Variants in PLCH2 observed in about 807,000 individuals in gnomAD.
PLCH2 encodes the protein 1-phosphatidylinositol 4,5-bisphosphate phosphodiesterase eta-2.
In PLCH2, 98 loss-of-function variants were observed where a neutral mutation model predicts 134.7. That is an observed-to-expected ratio of 0.73 (90% CI 0.62 to 0.86). The LOEUF is 0.86. Among genes scored for constraint, PLCH2 ranks in the 40% least tolerant of loss-of-function variants. PLCH2 has a pLI of 0.00. For synonymous variants in PLCH2, 974 were observed against 827.5 expected (o/e 1.18, Z -3.04); for missense variants, 1,994 against 1,986.6 (o/e 1.00, Z -0.07).
At chr1:2,449,949 T>C (rs1433351685) in intron 2 of PLCH2, among the ~76,000 whole-genome samples, 2 of 152,182 alleles carry the variant, frequency 1.3e-5, no homozygotes, top group African/African-American at 4.8e-5. Context: ...GATGCATAAG[T>C]GGGAGGCTGG....
rs1265638262 is a variant in PLCH2, at chr1:2,448,649, C to A, written c.115+18020C>A. Among the ~76,000 whole-genome samples the A allele has an allele frequency of 2.0e-5, 3 of 152,178 alleles. No individual in the cohort carries two copies. Among genetic ancestry groups the A allele is most frequent in the Non-Finnish European group, 4.4e-5 (3 of 68,014 alleles). On this transcript the variant is annotated intron_variant, in intron 2 of 3. Coordinates refer to the PLCH2 transcript ENST00000609981. This position sits in a 1 kb window ranked among gnomAD's most constrained non-coding sequence, Gnocchi z 4.0. Reference sequence around the variant, plus strand: ...TGTGGCCGTGTGCTCCACCCCAGCACCCCCGCCCGAGGCAGGCCCTGGAGC... The same window carrying A: ...TGTGGCCGTGTGCTCCACCCCAGCAACCCCGCCCGAGGCAGGCCCTGGAGC...
intron 10 of PLCH2, 21 bp downstream of exon 10, chr1:2,489,888 AG>A (rs373883153): frequency 2.5e-5 from 38 of 1,544,674 alleles, no homozygotes; most frequent in Non-Finnish European, 3.3e-5. Flanking sequence ...CTGGAGGTGG[AG>A]GGGGGCGCGT....
chr1:2,497,381 A>T (rs771895356), intron 15 of PLCH2, 121 bp from the exon 16 acceptor site: 148 of 673,930 alleles, frequency 2.2e-4, no homozygotes, highest in Non-Finnish European at 3.4e-4. Flanking sequence ...TGGGTGAACG[A>T]GGGGCAGACG....
chr1:2,427,766 G>A (rs1017237373), intron 1 of PLCH2, among the ~76,000 whole-genome samples: 1 of 152,096 alleles, frequency 6.6e-6, no homozygotes, highest in African/African-American at 2.4e-5. Context: ...AGAAGCAGCC[G>A]GCGAGCCCTC....
At chr1:2,480,418 G>A in intron 4 of PLCH2, 106 bp downstream of exon 4, 3 of 1,271,546 alleles carry the variant, frequency 2.4e-6, no homozygotes, top group Non-Finnish European at 3.3e-6. Flanking sequence ...AGGGGACCCT[G>A]GCAGTGCCCT....
At chr1:2,416,225 G>T in the PLCH2 span, among the ~76,000 whole-genome samples, 1 of 152,232 alleles carries the variant, frequency 6.6e-6, no homozygotes, top group Non-Finnish European at 1.5e-5. Context: ...GGACGCAGCA[G>T]GTCGGGGTCC....
upstream of PLCH2, among the ~76,000 whole-genome samples, chr1:2,424,738 A>AG (rs1409373342): frequency 2.0e-5 from 3 of 152,228 alleles, no homozygotes; most frequent in Non-Finnish European, 2.9e-5. Context: ...CTGTAATCCC[A>AG]GCACTTTGGG....
At chr1:2,442,288 G>C (rs1309111569) in intron 2 of PLCH2, among the ~76,000 whole-genome samples, 1 of 152,184 alleles carries the variant, frequency 6.6e-6, no homozygotes. Context: ...TCGTGAATCT[G>C]TGGGGAGCCA....
upstream of PLCH2, among the ~76,000 whole-genome samples, chr1:2,422,442 G>A (rs979153507): frequency 2.6e-5 from 4 of 152,194 alleles, no homozygotes; most frequent in Non-Finnish European, 4.4e-5. Flanking sequence ...TGCATCTGTC[G>A]CAGTGTGTTT....
In PLCH2 at chr1:2,505,099, C is replaced by T. The variant is rs570005847; in HGVS notation, c.4137C>T (p.Pro1379=). 12 of 1,540,812 alleles carry T rather than the reference C, an allele frequency of 7.8e-6. No individual in the cohort carries two copies. The African/African-American group carries it at 1.1e-4, about 14-fold the overall frequency. ...QGPPEEERGT[P]EGACSVGHEG... ...CCCCAGAAGAGGAGCGGGGCACCCC[C>T]GAGGGCGCCTGCTCCGTGGGCCACG... The change falls in exon 22 of 22, where the codon CCC becomes CCT. Residue 1379 remains proline (P), a synonymous_variant. Transcript: ENST00000378486.
At chr1:2,490,535 G>T (rs1448517833) in intron 10 of PLCH2, among the ~76,000 whole-genome samples, 2 of 152,222 alleles carry the variant, frequency 1.3e-5, no homozygotes, top group Non-Finnish European at 2.9e-5. Context: ...GTGAGGCAGG[G>T]AAGGCCGTTG....
At chr1:2,461,696 T>G (rs1640810104) in intron 2 of PLCH2, among the ~76,000 whole-genome samples, 1 of 152,176 alleles carries the variant, frequency 6.6e-6, no homozygotes, top group Non-Finnish European at 1.5e-5. Context: ...CAGCTGTTTC[T>G]TGCTCTGTCT....
the PLCH2 span, among the ~76,000 whole-genome samples, chr1:2,418,911 G>C: frequency 6.6e-6 from 1 of 152,200 alleles, no homozygotes; most frequent in African/African-American, 2.4e-5. Flanking sequence ...AAATGCTGGC[G>C]CAAAACCTGG....
chr1:2,478,319 C>T (rs1169380818), intron 1 of PLCH2, among the ~76,000 whole-genome samples, 157 bp from the exon 2 acceptor site: 1 of 152,112 alleles, frequency 6.6e-6, no homozygotes, highest in Non-Finnish European at 1.5e-5. Context: ...ACTGGCAGGG[C>T]GGTGTGGGCG....
intron 21 of PLCH2, 21 bp downstream of exon 21, chr1:2,502,430 G>A (rs1242538851): frequency 1.3e-6 from 2 of 1,543,424 alleles, no homozygotes; most frequent in Admixed American, 2.0e-5. Context: ...AGCTGCGGTG[G>A]CAGAGAAGAG....
chr1:2,429,581 C>T (rs892554460), intron 1 of PLCH2, among the ~76,000 whole-genome samples: 2 of 152,176 alleles, frequency 1.3e-5, no homozygotes, highest in East Asian at 3.8e-4. Context: ...CCTGGGGCCC[C>T]TTCTTGGGAG....
At chr1:2,437,735 C>T (rs1472416728) in intron 2 of PLCH2, among the ~76,000 whole-genome samples, 2 of 152,244 alleles carry the variant, frequency 1.3e-5, no homozygotes, top group Admixed American at 6.5e-5. Context: ...TGCACATACA[C>T]GTGTGCATAC....
Position 2,502,368 on chromosome 1 carries a change from A to G in PLCH2, c.2918A>G (p.Glu973Gly), listed in dbSNP as rs1314561741. 1.3e-6 allele frequency: 2 copies of G among 1,541,482 alleles called. No individual in the cohort carries two copies. Among genetic ancestry groups the G allele is most frequent in the Non-Finnish European group, 8.7e-7 (1 of 1,144,892 alleles). ...VVPPGPGPAP[E>G]APAQEGPGSG... ...CCCCCCGGGCCCGGACCTGCTCCGG[A>G]AGCCCCAGCCCAGGAGGGGCCCGGC... Residue 973 changes from glutamate (E) to glycine (G), a missense_variant, in exon 21 of 22, where the codon GAA (glutamate) becomes GGA (glycine). This residue lies in a region of PLCH2 where 900 missense variants were observed against 752.3 expected (regional missense o/e 1.20). Transcript: ENST00000378486.
At chr1:2,477,716 GGGGGA>G (rs1242447298) in intron 1 of PLCH2, among the ~76,000 whole-genome samples, 1 of 152,182 alleles carries the variant, frequency 6.6e-6, no homozygotes, top group Non-Finnish European at 1.5e-5. Flanking sequence ...CAGGCAGCCT[GGGGGA>G]GGGGAGGGGA....
Sources: gnomAD v4.1 joint callset for allele counts (sites outside exome capture counted in the v4.1 genomes callset) on GRCh38, gnomAD v4.1.1 for gene constraint, gnomAD v4.1.1 regional missense constraint, Gnocchi (gnomAD v3.1) non-coding constraint, MANE v1.5 for transcripts, NCBI Gene and HGNC (gene_info 2026-07-23, HGNC 2026-07-21) for gene names.